The following PSIP1 variants were observed in gnomAD, a reference collection of about 807,000 sequenced individuals.
The protein encoded by PSIP1 is PC4 and SFRS1-interacting protein.
PSIP1 carries 19 observed loss-of-function variants against 74.7 expected under a neutral mutation model. That is an observed-to-expected ratio of 0.25 (90% CI 0.18 to 0.37). PSIP1 has a LOEUF of 0.37. Ranked by LOEUF, PSIP1 falls within the 10% of genes least tolerant of loss-of-function variation. The pLI is 1.00. For missense variants in PSIP1, 601 were observed against 614.3 expected (o/e 0.98, Z 0.23); for synonymous variants, 222 against 195.3 (o/e 1.14, Z -1.14).
intron 6 of PSIP1, among the ~76,000 whole-genome samples, chr9:15,485,124 A>T (rs1183997931): frequency 1.3e-5 from 2 of 152,184 alleles, no homozygotes; most frequent in Non-Finnish European, 1.5e-5. Context: ...CTAAAATTTA[A>T]AATAATTCAA....
In PSIP1 at chr9:15,510,159, G is replaced by A. The variant is rs139542300; in HGVS notation, c.30C>T (p.Leu10=). Residue 10 remains leucine, a synonymous_variant, in exon 2 of 16, where the codon CTC becomes CTT. Coordinates refer to ENST00000380733, the MANE Select transcript of PSIP1 (RefSeq NM_033222.5). ...GATAACCTTTCATCTTGGCGAAGAT[G>A]AGGTCTCCAGGTTTGAAATCGCGAG... MTRDFKPGD[L]IFAKMKGYPH... 1.5e-5 allele frequency: 24 copies of A among 1,608,674 alleles called. No homozygotes were observed. The East Asian group carries it at 1.6e-4, about 11-fold the overall frequency.
At chr9:15,478,815 C>T (rs1244416899) in intron 7 of PSIP1, among the ~76,000 whole-genome samples, 3 of 151,954 alleles carry the variant, frequency 2.0e-5, no homozygotes, top group Non-Finnish European at 4.4e-5. Flanking sequence ...TTTTCACTAT[C>T]GTTTTAACAG....
chr9:15,469,943 T>C lies in PSIP1; in HGVS notation c.1028A>G (p.Lys343Arg), dbSNP rs751355232. ...TAGAAAGTGAAATAACTAACCTCGC[T>C]TCTTCTCCACTTTCTTAACTTCTGG... is the stretch of plus-strand genomic sequence containing the variant. ...KKPEVKKVEK[K>R]RETSMDSRLQ... Residue 343 changes from lysine (K) to arginine (R), a missense_variant, in exon 11 of 16, where the codon AAG becomes AGG. Transcript: ENST00000380733. 1.2e-6 allele frequency: 2 copies of C among 1,607,212 alleles called. No homozygotes were observed. The highest frequency in any genetic ancestry group is 2.2e-5 in the East Asian group (1 of 44,774).
At chr9:15,465,667 A>G in intron 15 of PSIP1, 87 bp from the exon 16 acceptor site, 1 of 1,128,950 alleles carries the variant, frequency 8.9e-7, no homozygotes, top group Non-Finnish European at 1.3e-6. Context: ...TTATATTTTT[A>G]AACCCATGAA....
At chr9:15,509,056 G>T (rs982265291) in intron 2 of PSIP1, among the ~76,000 whole-genome samples, 8 of 152,200 alleles carry the variant, frequency 5.3e-5, no homozygotes, top group African/African-American at 1.9e-4. Flanking sequence ...TTTTACACTT[G>T]GATGGCACTC....
At chr9:15,492,588 T>C (rs1190832396) in intron 3 of PSIP1, among the ~76,000 whole-genome samples, 6 of 152,110 alleles carry the variant, frequency 3.9e-5, no homozygotes, top group Admixed American at 6.6e-5. Flanking sequence ...ATGGTGGCCT[T>C]CTTCTCACAG....
intron 3 of PSIP1, among the ~76,000 whole-genome samples, chr9:15,499,574 T>C (rs959084252): frequency 1.4e-4 from 22 of 152,176 alleles, no homozygotes; most frequent in African/African-American, 4.3e-4. Context: ...CTAGAACTCT[T>C]AAAAGAAACA....
chr9:15,487,585 G>A (rs543432199), intron 4 of PSIP1, among the ~76,000 whole-genome samples: 2 of 152,282 alleles, frequency 1.3e-5, no homozygotes, highest in East Asian at 3.9e-4. Flanking sequence ...CTGGGCGACA[G>A]AGCAAGATGC....
At chr9:15,476,229 C>T (rs2036071653) in intron 8 of PSIP1, among the ~76,000 whole-genome samples, 1 of 152,112 alleles carries the variant, frequency 6.6e-6, no homozygotes, top group South Asian at 2.1e-4. Context: ...TAGGGTTGTC[C>T]ATTGCCTCAG....
At chr9:15,503,860 C>T (rs1340356304) in intron 3 of PSIP1, among the ~76,000 whole-genome samples, 1 of 152,100 alleles carries the variant, frequency 6.6e-6, no homozygotes, top group Non-Finnish European at 1.5e-5. Flanking sequence ...AATTCTCCTG[C>T]CTCAGCCTCC....
In PSIP1 at chr9:15,506,632, G is replaced by A. The variant is rs771167174; in HGVS notation, c.78C>T (p.Asp26=). The A allele has an allele frequency of 2.5e-5, 41 of 1,608,140 alleles. No homozygotes were observed. Among genetic ancestry groups the A allele is most frequent in the Admixed American group, 2.5e-4 (15 of 59,904 alleles). The stretch of plus-strand genomic sequence containing the variant: ...GCTTTACAGCTCCATCAGGAACTTC[G>A]TCTACCTAAAAGAAAAGTGAGAAAA... ...KGYPHWPARV[D]EVPDGAVKPP... is the part of the protein sequence containing the mutation. The change falls in exon 3 of 16, where the codon GAC becomes GAT. Residue 26 remains aspartate (D), a synonymous_variant. Transcript: ENST00000380733.
chr9:15,472,113 G>T (rs2035862357), intron 10 of PSIP1: 7 of 983,886 alleles, frequency 7.1e-6, no homozygotes, highest in Non-Finnish European at 8.4e-6. Flanking sequence ...AGAGAAAACA[G>T]CTTTGAATTT....
In PSIP1 at chr9:15,474,036, T is replaced by G; in HGVS notation, c.831A>C (p.Glu277Asp). ...TGVTSTSDSE[E>D]EGDDQEGEKK... Reference sequence around the variant, plus strand: ...TTTCACCTTCTTGATCATCTCCTTCTTCTTCAGAATCGGAGGTTGAAGTAA... The same window carrying G: ...TTTCACCTTCTTGATCATCTCCTTCGTCTTCAGAATCGGAGGTTGAAGTAA... The change falls in exon 9 of 16, where the codon GAA becomes GAC. Residue 277 changes from glutamate to aspartate, a missense_variant. Glu to Asp is a conservative substitution (Grantham distance 45). Transcript: ENST00000380733. 1 of 1,613,498 alleles carries G rather than the reference T, an allele frequency of 6.2e-7. No individual in the cohort carries two copies. Among genetic ancestry groups the G allele is most frequent in the Non-Finnish European group, 8.5e-7 (1 of 1,179,788 alleles).
chr9:15,465,507 C>A lies in PSIP1; in HGVS notation c.*13G>T. On this transcript the variant is annotated 3_prime_UTR_variant, in exon 16 of 16. Transcript: ENST00000380733. ...AACTTCTCAAGTGTTCTCTATATTC[C>A]AGGTATGTCAACCTAGTTATCTAGT... The A allele has an allele frequency of 6.5e-7, 1 of 1,528,734 alleles. No individual in the cohort carries two copies. The highest frequency in any genetic ancestry group is 9.0e-7 in the Non-Finnish European group (1 of 1,114,088). 94.7% of individuals were successfully genotyped at this position (1,528,734 alleles called of 1,614,324 possible). A position where few individuals can be genotyped will look rare whatever the true frequency, so the allele number is the denominator to read the frequency against.
intron 3 of PSIP1, among the ~76,000 whole-genome samples, chr9:15,494,379 A>T (rs1410710337): frequency 6.6e-6 from 1 of 152,038 alleles, no homozygotes; most frequent in Non-Finnish European, 1.5e-5. Flanking sequence ...CAGCCTGGCC[A>T]ATGTGGCAAA....
intron 3 of PSIP1, among the ~76,000 whole-genome samples, chr9:15,501,224 G>A (rs1196220186): frequency 8.6e-5 from 13 of 151,752 alleles, no homozygotes; most frequent in Admixed American, 8.5e-4. Context: ...GTTGGCTAAT[G>A]GACAGCAAAT....
intron 6 of PSIP1, among the ~76,000 whole-genome samples, chr9:15,482,033 T>C (rs773789298): frequency 8.2e-4 from 125 of 152,314 alleles, no homozygotes; most frequent in Admixed American, 5.9e-4. Flanking sequence ...TTCCATATTT[T>C]ACTTGCTCTG....
chr9:15,467,182 C>T (rs1161111199), intron 14 of PSIP1, among the ~76,000 whole-genome samples: 2 of 152,150 alleles, frequency 1.3e-5, no homozygotes, highest in East Asian at 1.9e-4. Flanking sequence ...AGGAATACTA[C>T]AGGGTGTTGT....
intron 3 of PSIP1, chr9:15,504,922 A>T (rs2037515255): frequency 6.6e-6 from 1 of 150,812 alleles, no homozygotes; most frequent in Admixed American, 6.6e-5. Flanking sequence ...CCACACTCAC[A>T]GCTTTATTCA....
Sources: allele counts gnomAD v4.1 joint callset (sites outside exome capture counted in the v4.1 genomes callset), GRCh38; gene constraint gnomAD v4.1.1; transcripts MANE v1.5; gene names NCBI Gene and HGNC (gene_info 2026-07-23, HGNC 2026-07-21).